DOCK10: variants seen among roughly 807,000 people sequenced by gnomAD.
The protein encoded by DOCK10 is dedicator of cytokinesis protein 10.
DOCK10 carries 145 observed loss-of-function variants against 280.1 expected under a neutral mutation model. That is an observed-to-expected ratio of 0.52 (90% CI 0.45 to 0.59). The LOEUF is 0.59. DOCK10 is among the 20% of genes least tolerant of loss of function. The pLI, the probability that DOCK10 is intolerant of heterozygous loss-of-function variation, is 0.00. For synonymous variants in DOCK10, 915 were observed against 942.2 expected (o/e 0.97, Z 0.53); for missense variants, 2,368 against 2,651.7 (o/e 0.89, Z 2.35).
At chr2:225,005,008 A>T (rs568509937) in intron 1 of DOCK10, among the ~76,000 whole-genome samples, 3 of 152,374 alleles carry the variant, frequency 2.0e-5, no homozygotes, top group African/African-American at 7.2e-5. Context: ...AAGAGCCTAA[A>T]ATCAATCAAC....
intron 3 of DOCK10, among the ~76,000 whole-genome samples, chr2:224,916,292 G>C (rs936588529): frequency 1.3e-5 from 2 of 152,216 alleles, no homozygotes; most frequent in South Asian, 4.1e-4. Flanking sequence ...TGTAATCCCA[G>C]CACTTCAGGA....
intron 2 of DOCK10, among the ~76,000 whole-genome samples, chr2:224,921,071 A>C: frequency 7.3e-6 from 1 of 136,292 alleles, no homozygotes; most frequent in Non-Finnish European, 1.5e-5. Context: ...CCTGGCCAAC[A>C]TGGGAAAACA....
intron 1 of DOCK10, among the ~76,000 whole-genome samples, chr2:225,008,669 G>GA (rs1249575973): frequency 6.6e-6 from 1 of 152,092 alleles, no homozygotes; most frequent in East Asian, 1.9e-4. Context: ...CTGGGATTGT[G>GA]AAAAAAATAT....
intron 1 of DOCK10, among the ~76,000 whole-genome samples, chr2:224,980,781 A>C (rs1303263483): frequency 1.3e-5 from 2 of 152,178 alleles, no homozygotes; most frequent in Non-Finnish European, 2.9e-5. Flanking sequence ...GCAGCTGTGT[A>C]ATGTTAAGAT....
chr2:224,912,336 T>C (rs1022805507), intron 3 of DOCK10, among the ~76,000 whole-genome samples: 4 of 152,070 alleles, frequency 2.6e-5, no homozygotes, highest in Non-Finnish European at 5.9e-5. Context: ...GGTTTCACCA[T>C]GTTGGTCAGG....
Position 224,916,867 on chromosome 2 carries a change from G to T in DOCK10, c.244-83C>A, listed in dbSNP as rs1701358159. ...AGCACACTGAACACACAAAAGGGAA[G>T]TCTTTTAGATCTTAGTATTTAAAGT... is the stretch of plus-strand genomic sequence containing the variant. On this transcript the variant is annotated intron_variant, in intron 2 of 55. Coordinates refer to ENST00000258390, the MANE Select transcript of DOCK10 (RefSeq NM_014689.3). The T allele has an allele frequency of 7.9e-6, 8 of 1,011,064 alleles. No homozygotes were observed. In the East Asian group the frequency reaches 1.6e-4, roughly 20 times the overall value. 62.6% of individuals were successfully genotyped at this position (1,011,064 alleles called of 1,614,324 possible).
intron 40 of DOCK10, 21 bp downstream of exon 40, chr2:224,801,895 C>G (rs1693040430): frequency 6.2e-7 from 1 of 1,610,958 alleles, no homozygotes; most frequent in Admixed American, 1.7e-5. Context: ...CATCTTGTTC[C>G]TATTATTTCA....
chr2:224,792,779 C>T (rs1024516889), intron 47 of DOCK10, among the ~76,000 whole-genome samples, 195 bp downstream of exon 47: 1 of 152,080 alleles, frequency 6.6e-6, no homozygotes, highest in Non-Finnish European at 1.5e-5. Context: ...GACAACTTTT[C>T]AGTTATTTAA....
At position 224,786,174 on chromosome 2, in the gene DOCK10, T is replaced by A. The variant is rs113841495; in HGVS notation, c.5655+848A>T. Among the ~76,000 whole-genome samples, 13 of 152,246 alleles carry A rather than the reference T, an allele frequency of 8.5e-5. No individual in the cohort carries two copies. Among genetic ancestry groups the A allele is most frequent in the African/African-American group, 3.1e-4 (13 of 41,554 alleles). On this transcript the variant is annotated intron_variant, in intron 50 of 55. Coordinates refer to ENST00000258390, the MANE Select transcript of DOCK10 (RefSeq NM_014689.3). This position sits in a 1 kb window ranked among gnomAD's most constrained non-coding sequence, Gnocchi z 4.7. ...CCGAGATCACGCCACTGCACTGCAC[T>A]CCAGCCTGGGCTACTGAGCGAGATG...
intron 1 of DOCK10, among the ~76,000 whole-genome samples, chr2:224,999,695 A>G (rs566355087): frequency 7.0e-6 from 1 of 141,864 alleles, no homozygotes; most frequent in South Asian, 2.4e-4. Context: ...GAAAATATCC[A>G]TAAACACTAT....
intron 31 of DOCK10, among the ~76,000 whole-genome samples, chr2:224,812,838 C>T (rs1020409610): frequency 1.3e-5 from 2 of 152,108 alleles, no homozygotes; most frequent in Non-Finnish European, 1.5e-5. Context: ...GGATGAAGCC[C>T]ACTTGATCAT....
At chr2:224,884,981 C>G (rs1279785648) in intron 7 of DOCK10, among the ~76,000 whole-genome samples, 1 of 151,888 alleles carries the variant, frequency 6.6e-6, no homozygotes, top group Non-Finnish European at 1.5e-5. Context: ...AACTTGCTGC[C>G]TTTGCTTATT....
intron 1 of DOCK10, among the ~76,000 whole-genome samples, chr2:224,975,451 T>A (rs1377480342): frequency 6.6e-6 from 1 of 152,226 alleles, no homozygotes; most frequent in Admixed American, 6.5e-5. Flanking sequence ...AGATTCAACC[T>A]CACTGAAATG....
chr2:224,853,075 C>A lies in DOCK10; in HGVS notation c.1936G>T (p.Ala646Ser). ...FIPVKPFNMMAQTEPTVEVEE... is the reference protein window; with the variant it reads ...FIPVKPFNMMSQTEPTVEVEE... Reference sequence around the variant, plus strand: ...ACCTCCACTGTGGGTTCTGTTTGAGCCATCATGTTGAAAGGCTTGACAGGG... The same window carrying A: ...ACCTCCACTGTGGGTTCTGTTTGAGACATCATGTTGAAAGGCTTGACAGGG... Residue 646 changes from alanine to serine, a missense_variant, in exon 17 of 56, where the codon GCT becomes TCT. By Grantham distance (99) the Ala-to-Ser change is moderately conservative. Coordinates refer to ENST00000258390, the MANE Select transcript of DOCK10 (RefSeq NM_014689.3). 1.2e-6 allele frequency: 2 copies of A among 1,608,230 alleles called. No individual in the cohort carries two copies. Among genetic ancestry groups the A allele is most frequent in the Non-Finnish European group, 1.7e-6 (2 of 1,176,210 alleles).
intron 31 of DOCK10, among the ~76,000 whole-genome samples, chr2:224,808,317 C>A (rs924361905): frequency 2.0e-5 from 3 of 152,102 alleles, no homozygotes; most frequent in Non-Finnish European, 4.4e-5. Context: ...ACAACATCAA[C>A]TTTTGAATTC....
intron 1 of DOCK10, among the ~76,000 whole-genome samples, chr2:224,932,563 T>C (rs1317571505): frequency 1.3e-5 from 2 of 152,128 alleles, no homozygotes; most frequent in Non-Finnish European, 2.9e-5. Flanking sequence ...GCAACCTAAG[T>C]GAAAAGCGGT....
Position 224,788,465 on chromosome 2 carries a change from G to A in DOCK10, c.5418+599C>T, listed in dbSNP as rs1691902383. Reference sequence around the variant, plus strand: ...TTGCAATATATGCTAAATTGGTGTAGAACCATTTGTAAAATTGTATTAAAA... The same window carrying A: ...TTGCAATATATGCTAAATTGGTGTAAAACCATTTGTAAAATTGTATTAAAA... On this transcript the variant is annotated intron_variant, in intron 48 of 55. Coordinates refer to ENST00000258390, the MANE Select transcript of DOCK10 (RefSeq NM_014689.3). Among the ~76,000 whole-genome samples, 18 of 152,146 alleles carry A rather than the reference G, an allele frequency of 1.2e-4. 1 individual carries two copies. The South Asian group carries it at 3.7e-3, about 32-fold the overall frequency.
intron 3 of DOCK10, among the ~76,000 whole-genome samples, chr2:224,896,652 G>C (rs1477880499): frequency 6.6e-6 from 1 of 152,190 alleles, no homozygotes; most frequent in Non-Finnish European, 1.5e-5. Flanking sequence ...AGGAGGTGGA[G>C]GTTGCAGTGA....
At position 225,010,027 on chromosome 2, in the gene DOCK10, C is replaced by T. The variant is rs116435533; in HGVS notation, c.123+32225G>A. Reference sequence around the variant, plus strand: ...TGTGGCTAAGGAGCCTAAAGGTTGTCTGGGCAGTTCTTCTGGCATTGGCTG... The same window carrying T: ...TGTGGCTAAGGAGCCTAAAGGTTGTTTGGGCAGTTCTTCTGGCATTGGCTG... On this transcript the variant is annotated intron_variant, in intron 1 of 55. Transcript: ENST00000258390. Among the ~76,000 whole-genome samples the T allele has an allele frequency of 6.1e-3, 930 of 152,242 alleles. 11 individuals carry two copies. The highest frequency in any genetic ancestry group is 0.022 in the African/African-American group (900 of 41,528).
Sources: allele counts gnomAD v4.1 joint callset (sites outside exome capture counted in the v4.1 genomes callset), GRCh38; gene constraint gnomAD v4.1.1; non-coding constraint Gnocchi (gnomAD v3.1); transcripts MANE v1.5; gene names NCBI Gene and HGNC (gene_info 2026-07-23, HGNC 2026-07-21).